CACNB3: variants seen among roughly 807,000 people sequenced by gnomAD.
CACNB3 encodes the protein calcium voltage-gated channel auxiliary subunit beta 3, also known as voltage-dependent L-type calcium channel subunit beta-3.
Under a neutral mutation model 63.7 loss-of-function variants are expected in CACNB3, and 36 were observed. The observed-to-expected ratio is 0.57, with a 90% CI of 0.43 to 0.75. The LOEUF is 0.75. Ranked by LOEUF, CACNB3 falls within the 30% of genes least tolerant of loss-of-function variation. CACNB3 has a pLI of 0.00. For synonymous variants in CACNB3, 241 were observed against 250.6 expected (o/e 0.96, Z 0.36); for missense variants, 493 against 648.6 (o/e 0.76, Z 2.61).
chr12:48,817,094 A>G, upstream of CACNB3: 2 of 747,476 alleles, frequency 2.7e-6, no homozygotes, highest in Non-Finnish European at 3.3e-6. Context: ...GAGAGGAGAC[A>G]GTCCCTTCAG....
upstream of CACNB3, chr12:48,815,055 C>G (rs903568): frequency 0.41 from 65,275 of 158,308 alleles, 14,148 homozygotes; most frequent in African/African-American, 0.5. Flanking sequence ...GAGCCGGGGA[C>G]GGGTGGATGG....
In CACNB3 at chr12:48,823,005, C is replaced by T. The variant is rs555440849; in HGVS notation, c.46-339C>T. Among the ~76,000 whole-genome samples, 1 of 152,328 alleles carries T rather than the reference C, an allele frequency of 6.6e-6. No homozygotes were observed. On this transcript the variant is annotated intron_variant, in intron 1 of 12. Coordinates refer to ENST00000301050, the MANE Select transcript of CACNB3 (RefSeq NM_000725.4). The surrounding 1 kb of genome is among the most constrained non-coding windows in gnomAD (Gnocchi z 4.2). Reference sequence around the variant, plus strand: ...GGATCCAGAATCATCTCTAATACATCATCTTCAGCACACCTCCCTTCCCTC... The same window carrying T: ...GGATCCAGAATCATCTCTAATACATTATCTTCAGCACACCTCCCTTCCCTC...
upstream of CACNB3, chr12:48,814,589 G>A (rs1235242190): frequency 1.3e-6 from 2 of 1,492,498 alleles, no homozygotes; most frequent in Admixed American, 2.3e-5. The surrounding 1 kb of genome is among the most constrained non-coding windows in gnomAD (Gnocchi z 6.9). Context: ...GGGCGCGGGT[G>A]TCTCGAAGGA....
Position 48,818,702 on chromosome 12 carries a change from G to A in CACNB3, c.-228G>A. 1.4e-5 allele frequency: 18 copies of A among 1,268,584 alleles called. No homozygotes were observed. Among genetic ancestry groups the A allele is most frequent in the Non-Finnish European group, 1.8e-5 (18 of 1,008,710 alleles). The allele number at this position is 1,268,584 out of a possible 1,614,324, so 78.6% of individuals were successfully genotyped here. On this transcript the variant is annotated 5_prime_UTR_variant, in exon 1 of 13. It adds an upstream start codon to the 5' untranslated region. Transcript: ENST00000301050. The surrounding 1 kb of genome is among the most constrained non-coding windows in gnomAD (Gnocchi z 4.3). Reference sequence around the variant, plus strand: ...GCCAGATTCCTCAGCCGCGCTCGGGGTGGGACCGGCTGGGTTTGGGGGGGT... The same window carrying A: ...GCCAGATTCCTCAGCCGCGCTCGGGATGGGACCGGCTGGGTTTGGGGGGGT...
At chr12:48,816,337 A>G (rs1345882680), upstream of CACNB3, among the ~76,000 whole-genome samples, 1 of 151,948 alleles carries the variant, frequency 6.6e-6, no homozygotes, top group African/African-American at 2.4e-5. Flanking sequence ...CAGTCTAACA[A>G]CTCTCTCCTA....
upstream of CACNB3, chr12:48,815,443 GA>G: frequency 5.6e-6 from 5 of 886,596 alleles, no homozygotes; most frequent in Non-Finnish European, 8.2e-6. Context: ...AGGCTGGGCT[GA>G]AAGGCAGGGA....
rs1199044277 is a variant in CACNB3 at position 48,826,896 on chromosome 12, G to C, written c.990+42G>C. 1.2e-6 allele frequency: 2 copies of C among 1,611,498 alleles called. No individual in the cohort carries two copies. The highest frequency in any genetic ancestry group is 2.7e-5 in the African/African-American group (2 of 74,846). On this transcript the variant is annotated intron_variant, in intron 11 of 12. Coordinates refer to ENST00000301050, the MANE Select transcript of CACNB3 (RefSeq NM_000725.4). The surrounding 1 kb of genome is among the most constrained non-coding windows in gnomAD (Gnocchi z 4.8). Reference sequence around the variant, plus strand: ...GCTGCTCCTGTGCCCACTCCCCCAGGGCTGCGGCAGTGATAGAGATGGGTG... The same window carrying C: ...GCTGCTCCTGTGCCCACTCCCCCAGCGCTGCGGCAGTGATAGAGATGGGTG...
At chr12:48,817,493 ATCC>A (rs2137435103), upstream of CACNB3, among the ~76,000 whole-genome samples, 1 of 152,318 alleles carries the variant, frequency 6.6e-6, no homozygotes, top group South Asian at 2.1e-4. Context: ...GTCTACGCAC[ATCC>A]TCCTCGTGGG....
At chr12:48,815,543 G>C (rs1194326348), upstream of CACNB3, 26 of 1,496,706 alleles carry the variant, frequency 1.7e-5, no homozygotes, top group East Asian at 2.5e-5. Flanking sequence ...CAGGGGAGAG[G>C]GAAGGGAGCA....
rs1205032887 is a variant in CACNB3 at position 48,821,127 on chromosome 12, T to A, written c.45+2153T>A. The A allele has an allele frequency of 3.3e-5, 5 of 150,538 alleles. No individual in the cohort carries two copies. The East Asian group carries it at 9.8e-4, about 29-fold the overall frequency. 9.3% of individuals were successfully genotyped at this position (150,538 alleles called of 1,614,324 possible). ...TGAACCCGGGAGGCAGAGGTTGCAG[T>A]GAGCCGACATCGCACCATTACATTC... On this transcript the variant is annotated intron_variant, in intron 1 of 12. Coordinates refer to ENST00000301050, the MANE Select transcript of CACNB3 (RefSeq NM_000725.4).
rs958958146 is a variant in CACNB3 at position 48,823,940 on chromosome 12, C to T, written c.291+137C>T. 8 of 1,085,346 alleles carry T rather than the reference C, an allele frequency of 7.4e-6. No individual in the cohort carries two copies. Among genetic ancestry groups the T allele is most frequent in the Admixed American group, 2.5e-5 (1 of 40,104 alleles). 67.2% of individuals were successfully genotyped at this position (1,085,346 alleles called of 1,614,324 possible). A position where few individuals can be genotyped will look rare whatever the true frequency, so the allele number is the denominator to read the frequency against. On this transcript the variant is annotated intron_variant, in intron 3 of 12. Transcript: ENST00000301050. The surrounding 1 kb of genome is among the most constrained non-coding windows in gnomAD (Gnocchi z 4.2). ...CTTCTCCTTAACACACACCTGTCCA[C>T]CCCTCATATCTAAGATCTCATCCCC...
At position 48,827,805 on chromosome 12, in the gene CACNB3, AC is replaced by A. The variant is rs1426521835; in HGVS notation, c.1366del (p.Gln456LysfsTer5). The A allele has an allele frequency of 6.2e-7, 1 of 1,614,078 alleles. No individual in the cohort carries two copies. The highest frequency in any genetic ancestry group is 1.1e-5 in the South Asian group (1 of 91,072). On this transcript the variant is annotated frameshift_variant, in exon 13 of 13. Transcript: ENST00000301050. LOFTEE classifies it high-confidence loss of function. ...TSGLPSANGH[D>X]PQDRLLAQDS... ...GGGCTGCCTAGTGCTAACGGGCATG[AC>A]CCCCAAGACCGGCTTCTAGCCCAGG...
chr12:48,827,916 T>C lies in CACNB3; in HGVS notation c.*17T>C, dbSNP rs761599067. On this transcript the variant is annotated 3_prime_UTR_variant, in exon 13 of 13. Transcript: ENST00000301050. ...AGCTACTGACAGCCTCCTGCTGCCC[T>C]ACCCTGGCAGGCACAGGCGCAGCTG... The C allele has an allele frequency of 1.2e-6, 2 of 1,604,542 alleles. No homozygotes were observed. Among genetic ancestry groups the C allele is most frequent in the Non-Finnish European group, 1.7e-6 (2 of 1,172,978 alleles).
chr12:48,827,548 T>C (rs773873462), intron 12 of CACNB3, 37 bp from the exon 13 acceptor site: 1 of 1,581,346 alleles, frequency 6.3e-7, no homozygotes, highest in Non-Finnish European at 8.6e-7. Flanking sequence ...AGGTGAGGTC[T>C]GTACTGCCTC....
chr12:48,815,599 G>A (rs376246550), upstream of CACNB3: 125 of 1,531,944 alleles, frequency 8.2e-5, no homozygotes, highest in East Asian at 1.5e-3. Flanking sequence ...GCGTGCAGGC[G>A]GGAGCAGCGT....
Position 48,825,455 on chromosome 12 carries a change from G to A in CACNB3, c.595G>A (p.Ala199Thr). 6.2e-7 allele frequency: 1 copy of A among 1,614,170 alleles called. No individual in the cohort carries two copies. Residue 199 changes from alanine to threonine, a missense_variant, in exon 8 of 13, where the codon GCT (alanine) becomes ACT (threonine). Ala to Thr is a moderately conservative substitution (Grantham distance 58, BLOSUM62 0). Transcript: ENST00000301050. The surrounding 1 kb of genome is among the most constrained non-coding windows in gnomAD (Gnocchi z 4.5). ...GYEVTDMMQK[A>T]LFDFLKHRFD... Reference sequence around the variant, plus strand: ...CCAGGTCACAGACATGATGCAGAAGGCTCTCTTCGACTTCCTCAAACACAG... The same window carrying A: ...CCAGGTCACAGACATGATGCAGAAGACTCTCTTCGACTTCCTCAAACACAG...
In CACNB3 at chr12:48,818,953, C is replaced by T. The variant is rs1307292848; in HGVS notation, c.24C>T (p.Pro8=). The change falls in exon 1 of 13, where the codon CCC becomes CCT. Residue 8 remains proline, a synonymous_variant. Transcript: ENST00000301050. The surrounding 1 kb of genome is among the most constrained non-coding windows in gnomAD (Gnocchi z 4.3). The stretch of plus-strand genomic sequence containing the variant: ...CCATGTATGACGACTCCTACGTGCC[C>T]GGGTTTGAGGACTCGGAGGCGGTGA... MYDDSYV[P]GFEDSEAGSA... is the part of the protein sequence containing the mutation. 12 of 1,603,786 alleles carry T rather than the reference C, an allele frequency of 7.5e-6. No individual in the cohort carries two copies. The highest frequency in any genetic ancestry group is 2.7e-5 in the African/African-American group (2 of 74,522).
At chr12:48,823,000 T>C (rs975182030) in intron 1 of CACNB3, among the ~76,000 whole-genome samples, 1 of 152,320 alleles carries the variant, frequency 6.6e-6, no homozygotes, top group East Asian at 1.9e-4. Flanking sequence ...TCATCTCTAA[T>C]ACATCATCTT....
chr12:48,822,943 T>G (rs1419540608), intron 1 of CACNB3, among the ~76,000 whole-genome samples: 1 of 152,142 alleles, frequency 6.6e-6, no homozygotes, highest in African/African-American at 2.4e-5. Flanking sequence ...TCCAGGCTGC[T>G]TTGCAGGCTG....
Sources: gnomAD v4.1 joint callset for allele counts (sites outside exome capture counted in the v4.1 genomes callset) on GRCh38, gnomAD v4.1.1 for gene constraint, Gnocchi (gnomAD v3.1) non-coding constraint, MANE v1.5 for transcripts, NCBI Gene and HGNC (gene_info 2026-07-23, HGNC 2026-07-21) for gene names.